Variants in SLC26A4 observed in about 807,000 individuals in gnomAD.
SLC26A4 encodes the protein pendrin.
Under a neutral mutation model 90.4 loss-of-function variants are expected in SLC26A4, and 93 were observed. That is an observed-to-expected ratio of 1.03 (90% confidence interval 0.87 to 1.22). The LOEUF is 1.22. Ranked by LOEUF, SLC26A4 falls within the 50% of genes most tolerant of loss-of-function variation. SLC26A4 has a pLI of 0.00. For missense variants in SLC26A4, 1,127 were observed against 946.2 expected (o/e 1.19, Z -2.51); for synonymous variants, 393 against 354.6 (o/e 1.11, Z -1.22).
intron 3 of SLC26A4, among the ~76,000 whole-genome samples, chr7:107,665,063 T>C (rs1790671616): frequency 6.6e-6 from 1 of 151,984 alleles, no homozygotes; most frequent in African/African-American, 2.4e-5. Context: ...GGAGTGCAAA[T>C]GAGGTTCACT....
chr7:107,703,340 T>C (rs1791950319), intron 17 of SLC26A4, among the ~76,000 whole-genome samples: 2 of 152,190 alleles, frequency 1.3e-5, no homozygotes, highest in South Asian at 4.1e-4. Context: ...GAGGTTCCAC[T>C]TAGCTAAGGC....
rs146144245 is a variant in SLC26A4 at position 107,670,427 on chromosome 7, G to A, written c.305-1711G>A. On this transcript the variant is annotated intron_variant, in intron 3 of 20. Transcript: ENST00000644269. ...CGGTCCCTCCGGCTTTTTTTAATGC[G>A]TACACTCCCACAGGCTGGAGTGGGA... is the stretch of plus-strand genomic sequence containing the variant. 1.5e-3 allele frequency among the ~76,000 whole-genome samples: 226 copies of A among 151,898 alleles called. 1 individual carries two copies. The highest frequency in any genetic ancestry group is 4.8e-3 in the African/African-American group (198 of 41,424).
chr7:107,678,737 GAA>G (rs35019739), intron 6 of SLC26A4, among the ~76,000 whole-genome samples: 21,036 of 147,152 alleles, frequency 0.14, 1,817 homozygotes, highest in Admixed American at 0.2. Context: ...TTGCTCTTCT[GAA>G]AAAAAAAAAA....
intron 3 of SLC26A4, among the ~76,000 whole-genome samples, chr7:107,666,773 T>C (rs1246852362): frequency 6.6e-6 from 1 of 152,114 alleles, no homozygotes; most frequent in East Asian, 1.9e-4. Context: ...GAGGCAGGAC[T>C]GGGATTAGGA....
At chr7:107,666,345 G>T (rs191149508) in intron 3 of SLC26A4, among the ~76,000 whole-genome samples, 2 of 151,946 alleles carry the variant, frequency 1.3e-5, no homozygotes, top group Non-Finnish European at 2.9e-5. Flanking sequence ...TCTCAGCCTC[G>T]CCAGTAGCTG....
intron 6 of SLC26A4, among the ~76,000 whole-genome samples, chr7:107,681,463 G>A (rs867257983): frequency 6.6e-6 from 1 of 152,008 alleles, no homozygotes; most frequent in Non-Finnish European, 1.5e-5. Context: ...TTTAAAAGTA[G>A]TTTATCTGTG....
rs146712890 is a variant in SLC26A4 at position 107,696,950 on chromosome 7, C to T, written c.1544+911C>T. Among the ~76,000 whole-genome samples the T allele has an allele frequency of 4.5e-3, 690 of 152,230 alleles. 3 individuals carry two copies. The highest frequency in any genetic ancestry group is 0.016 in the African/African-American group (644 of 41,522). On this transcript the variant is annotated intron_variant, in intron 13 of 20. Coordinates refer to ENST00000644269, the MANE Select transcript of SLC26A4 (RefSeq NM_000441.2). Reference sequence around the variant, plus strand: ...AGATAGATGTCTTCAGCTTAGCATCCGCTCACCTCTCCTGTCCCACCAGCC... The same window carrying T: ...AGATAGATGTCTTCAGCTTAGCATCTGCTCACCTCTCCTGTCCCACCAGCC...
chr7:107,673,081 GAATC>G (rs965675683), intron 4 of SLC26A4, among the ~76,000 whole-genome samples: 6 of 152,192 alleles, frequency 3.9e-5, no homozygotes, highest in Non-Finnish European at 7.4e-5. Context: ...ACACCTTGGA[GAATC>G]AATCAGTGTT....
At position 107,700,187 on chromosome 7, in the gene SLC26A4, A is replaced by T. The variant is rs1247541346; in HGVS notation, c.1707+12A>T. 1.5e-6 allele frequency: 2 copies of T among 1,367,970 alleles called. No homozygotes were observed. Among genetic ancestry groups the T allele is most frequent in the Non-Finnish European group, 2.1e-6 (2 of 955,718 alleles). The allele number at this position is 1,367,970 out of a possible 1,614,324, so 84.7% of individuals were successfully genotyped here. ...GTATCAAGTCCACAGTAAGTATTTT[A>T]TCCCTAGAAATTTGTTTTCTAACCT... is the stretch of plus-strand genomic sequence containing the variant. On this transcript the variant is annotated intron_variant, in intron 15 of 20. Coordinates refer to ENST00000644269, the MANE Select transcript of SLC26A4 (RefSeq NM_000441.2).
At chr7:107,676,063 A>G (rs1791016704) in intron 6 of SLC26A4, among the ~76,000 whole-genome samples, 1 of 152,202 alleles carries the variant, frequency 6.6e-6, no homozygotes, top group African/African-American at 2.4e-5. Context: ...GTGACCCTGG[A>G]TACATCATGT....
intron 18 of SLC26A4, 43 bp from the exon 19 acceptor site, chr7:107,710,011 C>A (rs775749105): frequency 2.5e-6 from 4 of 1,574,900 alleles, no homozygotes; most frequent in East Asian, 2.2e-5. Flanking sequence ...ACAAAAATTT[C>A]TTTTCCTAGG....
intron 4 of SLC26A4, among the ~76,000 whole-genome samples, chr7:107,673,501 C>T (rs949737672): frequency 6.6e-6 from 1 of 151,786 alleles, no homozygotes; most frequent in African/African-American, 2.4e-5. Flanking sequence ...AAAAGTTGAG[C>T]GGAACAAGTA....
chr7:107,708,863 C>A (rs925796669), intron 18 of SLC26A4, among the ~76,000 whole-genome samples: 2 of 151,988 alleles, frequency 1.3e-5, no homozygotes, highest in Non-Finnish European at 2.9e-5. Context: ...ATGAGGAGAG[C>A]AAAGCTGGAG....
intron 17 of SLC26A4, among the ~76,000 whole-genome samples, chr7:107,703,201 T>C (rs944555617): frequency 1.2e-4 from 19 of 152,096 alleles, no homozygotes; most frequent in African/African-American, 4.6e-4. Flanking sequence ...CCAAAGAAGA[T>C]GAATAGGACA....
intron 10 of SLC26A4, chr7:107,693,484 C>T (rs1791637006): frequency 7.1e-6 from 7 of 985,334 alleles, no homozygotes; most frequent in Middle Eastern, 5.2e-4. Context: ...TCAACAAAAT[C>T]TTCCCAGTTG....
intron 3 of SLC26A4, among the ~76,000 whole-genome samples, chr7:107,671,363 T>C (rs1034020615): frequency 2.0e-5 from 3 of 152,138 alleles, no homozygotes; most frequent in African/African-American, 7.2e-5. Context: ...TCTTGCTATG[T>C]TTTCCAGGCT....
At chr7:107,678,291 A>G (rs907935568) in intron 6 of SLC26A4, among the ~76,000 whole-genome samples, 3 of 152,190 alleles carry the variant, frequency 2.0e-5, no homozygotes, top group African/African-American at 7.2e-5. Flanking sequence ...CACTCCCTAT[A>G]CAAACCCAGT....
At chr7:107,685,666 C>T (rs1336234173) in intron 8 of SLC26A4, among the ~76,000 whole-genome samples, 1 of 152,226 alleles carries the variant, frequency 6.6e-6, no homozygotes, top group Non-Finnish European at 1.5e-5. Flanking sequence ...CTTGTCCAGT[C>T]AACACCTAAG....
chr7:107,662,461 A>C (rs1446030174), intron 2 of SLC26A4, among the ~76,000 whole-genome samples: 3 of 147,202 alleles, frequency 2.0e-5, no homozygotes, highest in Admixed American at 6.9e-5. Flanking sequence ...CCCCACCCCC[A>C]CCGTTTTTAA....
Sources: allele counts gnomAD v4.1 joint callset (sites outside exome capture counted in the v4.1 genomes callset), GRCh38; gene constraint gnomAD v4.1.1; transcripts MANE v1.5; gene names NCBI Gene and HGNC (gene_info 2026-07-23, HGNC 2026-07-21).